HMOX1: variants seen among roughly 807,000 people sequenced by gnomAD.
HMOX1 encodes heme oxygenase 1.
In HMOX1, 22 loss-of-function variants were observed where a neutral mutation model predicts 27.8. That is an observed-to-expected ratio of 0.79 (90% CI 0.57 to 1.13). The LOEUF is 1.13. HMOX1 is among the 50% of genes most tolerant of loss of function. HMOX1 has a pLI of 0.00. For missense variants in HMOX1, 379 were observed against 377.7 expected (o/e 1.00, Z -0.03); for synonymous variants, 153 against 151.6 (o/e 1.01, Z -0.07).
At chr22:35,390,171 T>G in intron 4 of HMOX1, 1 of 602,480 alleles carries the variant, frequency 1.7e-6, no homozygotes, top group Non-Finnish European at 3.0e-6. Context: ...AGCAATCCTC[T>G]TGCCTCTGCC....
chr22:35,382,980 T>C, intron 1 of HMOX1, 126 bp from the exon 2 acceptor site: 1 of 1,335,196 alleles, frequency 7.5e-7, no homozygotes, highest in South Asian at 1.2e-5. Flanking sequence ...CTTAAAGCGA[T>C]TGAGAACGTG....
At chr22:35,390,375 C>T (rs1478814055) in intron 4 of HMOX1, 3 of 292,254 alleles carry the variant, frequency 1.0e-5, no homozygotes, top group Non-Finnish European at 2.0e-5. Flanking sequence ...AGGCGCCCAC[C>T]ACCATGCCTG....
rs753719904 is a variant in HMOX1 at position 35,389,203 on chromosome 22, T to TTCTC, written c.637-658_637-657insCTCT. The stretch of plus-strand genomic sequence containing the variant: ...AGGGATATGAATTTTCTTTCTTTCT[T>TTCTC]TCTTTCTTTCTCTCTTTCTTTCTTT... On this transcript the variant is annotated intron_variant, in intron 3 of 4. Coordinates refer to ENST00000216117, the MANE Select transcript of HMOX1 (RefSeq NM_002133.3). Among the ~76,000 whole-genome samples the TTCTC allele has an allele frequency of 1.0e-4, 13 of 127,232 alleles. 1 individual carries two copies. The highest frequency in any genetic ancestry group is 3.7e-4 in the African/African-American group (10 of 27,114). The allele number at this position is 127,232 out of a possible 152,430, so 83.5% of individuals were successfully genotyped here.
Position 35,386,860 on chromosome 22 carries a change from A to G in HMOX1, c.320A>G (p.Tyr107Cys), listed in dbSNP as rs765477403. 21 of 1,614,152 alleles carry G rather than the reference A, an allele frequency of 1.3e-5. No homozygotes were observed. Among genetic ancestry groups the G allele is most frequent in the African/African-American group, 5.3e-5 (4 of 75,056 alleles). The change falls in exon 3 of 5, where the codon TAC becomes TGC. Residue 107 changes from tyrosine (Y) to cysteine (C), a missense_variant. By Grantham distance (194) the Tyr-to-Cys change is radical. Transcript: ENST00000216117. Reference sequence around the variant, plus strand: ...CCCCGCTGGCAGGAGGTCATCCCCTACACACCAGCCATGCAGCGCTATGTG... The same window carrying G: ...CCCCGCTGGCAGGAGGTCATCCCCTGCACACCAGCCATGCAGCGCTATGTG... ...YGPRWQEVIP[Y>C]TPAMQRYVKR...
rs754640901 is a variant in HMOX1 at position 35,386,951 on chromosome 22, C to T, written c.411C>T (p.Tyr137=). ...TGGTGGCCCACGCCTACACCCGCTACCTGGGTGACCTGTCTGGGGGCCAGG... is the reference window on the plus strand; with the variant it reads ...TGGTGGCCCACGCCTACACCCGCTATCTGGGTGACCTGTCTGGGGGCCAGG... ...ELLVAHAYTR[Y]LGDLSGGQVL... The change falls in exon 3 of 5, where the codon TAC becomes TAT. Residue 137 remains tyrosine (Y), a synonymous_variant. Coordinates refer to ENST00000216117, the MANE Select transcript of HMOX1 (RefSeq NM_002133.3). 1.9e-6 allele frequency: 3 copies of T among 1,614,066 alleles called. No individual in the cohort carries two copies. The South Asian group carries it at 3.3e-5, about 18-fold the overall frequency.
chr22:35,389,215 CTCTTTCTTTCTT>C (rs764232156), intron 3 of HMOX1, among the ~76,000 whole-genome samples: 4 of 112,182 alleles, frequency 3.6e-5, no homozygotes, highest in African/African-American at 1.5e-4. Flanking sequence ...CTTTCTTTCT[CTCTTTCTTTCTT>C]TCTTTCTTTC....
At position 35,381,134 on chromosome 22, in the gene HMOX1, C is replaced by T; in HGVS notation, c.-40C>T. 1 of 1,537,416 alleles carries T rather than the reference C, an allele frequency of 6.5e-7. No homozygotes were observed. The highest frequency in any genetic ancestry group is 1.7e-4 in the Middle Eastern group (1 of 5,838). On this transcript the variant is annotated 5_prime_UTR_variant, in exon 1 of 5. Coordinates refer to ENST00000216117, the MANE Select transcript of HMOX1 (RefSeq NM_002133.3). ...TCTCGAGCGTCCTCAGCGCAGCCGC[C>T]GCCCGCGGAGCCAGCACGAACGAGC...
intron 4 of HMOX1, among the ~76,000 whole-genome samples, chr22:35,392,906 C>T (rs541335592): frequency 8.6e-4 from 130 of 152,000 alleles, no homozygotes; most frequent in Middle Eastern, 3.4e-3. Flanking sequence ...TTAGTAGAGA[C>T]GGGGTTTCAC....
In HMOX1 at chr22:35,389,878, G is replaced by A. The variant is rs781391606; in HGVS notation, c.651G>A (p.Leu217=). The A allele has an allele frequency of 6.2e-7, 1 of 1,609,278 alleles. No homozygotes were observed. Among genetic ancestry groups the A allele is most frequent in the South Asian group, 1.1e-5 (1 of 90,068 alleles). The change falls in exon 4 of 5, where the codon TTG becomes TTA. Residue 217 remains leucine, a synonymous_variant. Transcript: ENST00000216117. ...TTGTCTTTTAGCTCTTTGAGGAGTT[G>A]CAGGAGCTGCTGACCCATGACACCA... The part of the protein sequence containing the change: ...FLLNIQLFEE[L]QELLTHDTKD...
At chr22:35,381,628 G>T (rs957560642) in intron 1 of HMOX1, among the ~76,000 whole-genome samples, 27 of 152,146 alleles carry the variant, frequency 1.8e-4, no homozygotes, top group Admixed American at 1.3e-4. Context: ...CCTGGCTGCG[G>T]TGTTCCATGT....
intron 3 of HMOX1, among the ~76,000 whole-genome samples, chr22:35,387,415 A>G (rs949727333): frequency 5.9e-5 from 9 of 152,230 alleles, no homozygotes; most frequent in African/African-American, 2.2e-4. Flanking sequence ...ATAAGGCTTG[A>G]GTGAATTTAC....
At chr22:35,387,809 C>A (rs977080173) in intron 3 of HMOX1, among the ~76,000 whole-genome samples, 1 of 152,204 alleles carries the variant, frequency 6.6e-6, no homozygotes, top group Non-Finnish European at 1.5e-5. Flanking sequence ...GCCTGGGGCT[C>A]GGGGTCATGC....
At chr22:35,382,233 G>C (rs974872054) in intron 1 of HMOX1, among the ~76,000 whole-genome samples, 3 of 152,144 alleles carry the variant, frequency 2.0e-5, no homozygotes, top group African/African-American at 7.2e-5. Flanking sequence ...TTTCCCCCTT[G>C]GTTTGGGGGA....
chr22:35,381,945 G>A (rs772535507), intron 1 of HMOX1, among the ~76,000 whole-genome samples: 6 of 152,058 alleles, frequency 3.9e-5, no homozygotes, highest in Non-Finnish European at 7.4e-5. Flanking sequence ...GCAGGGATAC[G>A]GACCCATGAC....
rs746944396 is a variant in HMOX1 at position 35,389,203 on chromosome 22, TTCTTTCTTTCTC to T, written c.637-649_637-638del. Among the ~76,000 whole-genome samples the T allele has an allele frequency of 3.6e-4, 46 of 127,328 alleles. 4 individuals carry two copies. The highest frequency in any genetic ancestry group is 2.0e-3 in the East Asian group (9 of 4,442). 83.5% of individuals were successfully genotyped at this position (127,328 alleles called of 152,430 possible). ...AGGGATATGAATTTTCTTTCTTTCT[TTCTTTCTTTCTC>T]TCTTTCTTTCTTTCTTTCTTTCTTT... is the stretch of plus-strand genomic sequence containing the variant. On this transcript the variant is annotated intron_variant, in intron 3 of 4. Coordinates refer to ENST00000216117, the MANE Select transcript of HMOX1 (RefSeq NM_002133.3).
Position 35,393,708 on chromosome 22 carries a change from C to T in HMOX1, c.*110C>T. 5.5e-6 allele frequency: 7 copies of T among 1,277,546 alleles called. No individual in the cohort carries two copies. The highest frequency in any genetic ancestry group is 8.0e-6 in the Non-Finnish European group (7 of 878,456). The allele number at this position is 1,277,546 out of a possible 1,614,324, so 79.1% of individuals were successfully genotyped here. A position where few individuals can be genotyped will look rare whatever the true frequency, so the allele number is the denominator to read the frequency against. ...CCTTACCGTGGGCACTGAAGGCTTT[C>T]AGGGCCTCCAGCCCTCTCACTGTGT... On this transcript the variant is annotated 3_prime_UTR_variant, in exon 5 of 5. Transcript: ENST00000216117.
chr22:35,384,617 G>A (rs939761367), intron 2 of HMOX1, among the ~76,000 whole-genome samples: 8 of 151,828 alleles, frequency 5.3e-5, no homozygotes, highest in Non-Finnish European at 1.0e-4. Flanking sequence ...CTAAGGAGGC[G>A]CCAAGATCCA....
intron 1 of HMOX1, chr22:35,381,470 T>G (rs1569054498): frequency 1.9e-6 from 1 of 538,582 alleles, no homozygotes; most frequent in East Asian, 3.1e-5. Flanking sequence ...TAGCCAATTT[T>G]TTTTTTAATC....
At position 35,386,846 on chromosome 22, in the gene HMOX1, G is replaced by A; in HGVS notation, c.306G>A (p.Gln102=). The A allele has an allele frequency of 6.2e-7, 1 of 1,614,218 alleles. No homozygotes were observed. Among genetic ancestry groups the A allele is most frequent in the Non-Finnish European group, 8.5e-7 (1 of 1,180,036 alleles). Residue 102 remains glutamine (Q), a synonymous_variant, in exon 3 of 5, where the codon CAG becomes CAA. Transcript: ENST00000216117. The part of the protein sequence containing the change: ...DLAFWYGPRW[Q]EVIPYTPAMQ... The stretch of plus-strand genomic sequence containing the variant: ...CCTTCTGGTACGGGCCCCGCTGGCA[G>A]GAGGTCATCCCCTACACACCAGCCA...
Sources: gnomAD v4.1 joint callset for allele counts (sites outside exome capture counted in the v4.1 genomes callset) on GRCh38, gnomAD v4.1.1 for gene constraint, MANE v1.5 for transcripts, NCBI Gene and HGNC (gene_info 2026-07-23, HGNC 2026-07-21) for gene names.